The following PKMYT1 variants were observed in gnomAD, a reference collection of about 807,000 sequenced individuals.
The protein encoded by PKMYT1 is membrane-associated tyrosine- and threonine-specific cdc2-inhibitory kinase.
A neutral mutation model predicts 49.7 loss-of-function variants in PKMYT1; 35 were observed. The observed-to-expected ratio is 0.70, with a 90% CI of 0.54 to 0.93. The LOEUF (loss-of-function observed/expected upper bound fraction) is 0.93, where lower values mean the gene tolerates loss of function less well. Among genes scored for constraint, PKMYT1 ranks in the 40% least tolerant of loss-of-function variants. The pLI is 0.00. For missense variants in PKMYT1, 677 were observed against 673.1 expected (o/e 1.01, Z -0.06); for synonymous variants, 331 against 287.6 (o/e 1.15, Z -1.53).
At position 2,975,791 on chromosome 16, in the gene PKMYT1, G is replaced by T. The variant is rs993831575; in HGVS notation, c.400C>A (p.Arg134=). The change falls in exon 4 of 9, where the codon CGG becomes AGG. Residue 134 remains arginine, a synonymous_variant. Transcript: ENST00000262300. ...VFKVRSKEDG[R]LYAVKRSMSP... is the part of the protein sequence containing the mutation. ...ATGGAACGCTTTACCGCATAGAGCC[G>T]GCCGTCCTCCTTGGAGCGCACCTGG... The T allele has an allele frequency of 6.3e-7, 1 of 1,596,036 alleles. No individual in the cohort carries two copies. Among genetic ancestry groups the T allele is most frequent in the Non-Finnish European group, 8.5e-7 (1 of 1,177,536 alleles).
Position 2,978,562 on chromosome 16 carries a change from A to T in PKMYT1, c.10+1086T>A, listed in dbSNP as rs371972536. Among the ~76,000 whole-genome samples the T allele has an allele frequency of 6.6e-5, 10 of 152,186 alleles. No homozygotes were observed. The East Asian group carries it at 2.0e-3, about 30-fold the overall frequency. The stretch of plus-strand genomic sequence containing the variant: ...GAGGAGTTCGAGTCCAGCCTGGCCA[A>T]CATGGTGAAACCCCATCTCTACTAA... On this transcript the variant is annotated intron_variant, in intron 2 of 8. Transcript: ENST00000262300.
rs1420630968 is a variant in PKMYT1, at chr16:2,975,262, C to T, written c.872+57G>A. On this transcript the variant is annotated intron_variant, in intron 4 of 8. Transcript: ENST00000262300. ...CTTCCCTCCTGGGGAATGGAGCTTC[C>T]GTCCCAGGAAGGGCCTCCCACAGCC... 1.7e-5 allele frequency: 26 copies of T among 1,504,176 alleles called. No homozygotes were observed. In the East Asian group the frequency reaches 2.9e-4, roughly 17 times the overall value. 93.2% of individuals were successfully genotyped at this position (1,504,176 alleles called of 1,614,324 possible).
chr16:2,973,711 G>A (rs2072084380), intron 7 of PKMYT1: 2 of 521,782 alleles, frequency 3.8e-6, no homozygotes, highest in Non-Finnish European at 6.9e-6. Flanking sequence ...AAGGGACAAT[G>A]TTTTATCCCT....
At chr16:2,973,643 C>G in intron 7 of PKMYT1, 2 of 445,688 alleles carry the variant, frequency 4.5e-6, no homozygotes, top group South Asian at 4.5e-5. Flanking sequence ...CCCCAGGGAC[C>G]AAGGACTTGT....
rs570109971 is a variant in PKMYT1, at chr16:2,975,189, G to A, written c.872+130C>T. ...CTCTCCACTGGAGGGCAGGGATGGC[G>A]TCTCAGCCTTGTGGCTCTGAGGCCG... On this transcript the variant is annotated intron_variant, in intron 4 of 8. Transcript: ENST00000262300. The A allele has an allele frequency of 1.1e-4, 132 of 1,148,078 alleles. No individual in the cohort carries two copies. The African/African-American group carries it at 1.7e-3, about 15-fold the overall frequency. The allele number at this position is 1,148,078 out of a possible 1,614,324, so 71.1% of individuals were successfully genotyped here.
intron 4 of PKMYT1, 71 bp from the exon 5 acceptor site, chr16:2,974,727 C>T (rs1177389665): frequency 8.8e-6 from 9 of 1,018,680 alleles, no homozygotes; most frequent in Non-Finnish European, 3.0e-6. Flanking sequence ...CCAGGGCTGC[C>T]TCTTGGAGGT....
chr16:2,974,454 C>T, intron 5 of PKMYT1, 37 bp from the exon 6 acceptor site: 1 of 1,580,566 alleles, frequency 6.3e-7, no homozygotes, highest in Non-Finnish European at 8.6e-7. Context: ...GGTCCCAGAA[C>T]ACCGACTGCA....
chr16:2,974,662 A>C lies in PKMYT1; in HGVS notation c.873-6T>G. On this transcript the variant is annotated splice_region_variant and splice_polypyrimidine_tract_variant and intron_variant, in intron 4 of 8. Transcript: ENST00000262300. Reference sequence around the variant, plus strand: ...CCAGGATGGTGAGGCCCAGACTGGCAGGGACGGGATGGGGACAGAAAGGGG... The same window carrying C: ...CCAGGATGGTGAGGCCCAGACTGGCCGGGACGGGATGGGGACAGAAAGGGG... 1 of 1,548,358 alleles carries C rather than the reference A, an allele frequency of 6.5e-7. No homozygotes were observed. Among genetic ancestry groups the C allele is most frequent in the Non-Finnish European group, 8.8e-7 (1 of 1,142,764 alleles).
chr16:2,977,535 C>G, intron 2 of PKMYT1: 8 of 967,194 alleles, frequency 8.3e-6, no homozygotes, highest in South Asian at 9.5e-5. Flanking sequence ...GTGTGTGCAG[C>G]TCCGTGGACC....
intron 2 of PKMYT1, chr16:2,977,318 T>A: frequency 8.2e-7 from 1 of 1,222,604 alleles, no homozygotes; most frequent in Non-Finnish European, 1.0e-6. Context: ...GCAAGGCAGT[T>A]TGGAGTCAGA....
In PKMYT1 at chr16:2,974,108, G is replaced by A; in HGVS notation, c.1202C>T (p.Ala401Val). Residue 401 changes from alanine to valine, a missense_variant, in exon 7 of 9, where the codon GCC (alanine) becomes GTC (valine). By Grantham distance (64) the Ala-to-Val change is moderately conservative (BLOSUM62 0). Transcript: ENST00000262300. ...CWLWHGLAHP[A>V]SWLQPLGPPA... ...CGGGCCCAGGGGCTGTAGCCAGCTG[G>A]CAGGGTGAGCCAGCCCATGCCAGAG... 6.2e-7 allele frequency: 1 copy of A among 1,606,958 alleles called. No individual in the cohort carries two copies.
chr16:2,979,678 C>T lies in PKMYT1; in HGVS notation c.-21G>A, dbSNP rs200568818. ...AGCATGACTGGCCTGGCCCAACAGCCTCAGTGGTGGGACGGGGGAGGCAGG... is the reference window on the plus strand; with the variant it reads ...AGCATGACTGGCCTGGCCCAACAGCTTCAGTGGTGGGACGGGGGAGGCAGG... On this transcript the variant is annotated 5_prime_UTR_variant, in exon 2 of 9. Coordinates refer to ENST00000262300, the MANE Select transcript of PKMYT1 (RefSeq NM_004203.5). 7.4e-6 allele frequency: 12 copies of T among 1,613,906 alleles called. No individual in the cohort carries two copies. The highest frequency in any genetic ancestry group is 9.3e-6 in the Non-Finnish European group (11 of 1,179,894).
At position 2,973,984 on chromosome 16, in the gene PKMYT1, C is replaced by G; in HGVS notation, c.1310+16G>C. ...CACCTTCCCCCTAGCCCCCCATACC[C>G]TGCACTTGAACCCACCCTAGGCTGT... On this transcript the variant is annotated intron_variant, in intron 7 of 8. Transcript: ENST00000262300. The G allele has an allele frequency of 6.2e-7, 1 of 1,611,944 alleles. No homozygotes were observed. Among genetic ancestry groups the G allele is most frequent in the South Asian group, 1.1e-5 (1 of 90,848 alleles).
Position 2,974,607 on chromosome 16 carries a change from C to A in PKMYT1, c.922G>T (p.Gly308Cys). ...CGCAGCTGCTGCCAGCCCTCCCCAC[C>A]GTGGGGCAGCTCCATGTTGCATGCC... ...EVACNMELPH[G>C]GEGWQQLRQG... The change falls in exon 5 of 9, where the codon GGT (glycine) becomes TGT (cysteine). Residue 308 changes from glycine to cysteine, a missense_variant. Coordinates refer to ENST00000262300, the MANE Select transcript of PKMYT1 (RefSeq NM_004203.5). The A allele has an allele frequency of 6.3e-7, 1 of 1,580,294 alleles. No individual in the cohort carries two copies. The highest frequency in any genetic ancestry group is 8.6e-7 in the Non-Finnish European group (1 of 1,163,476).
chr16:2,975,411 T>C lies in PKMYT1; in HGVS notation c.780A>G (p.Thr260=), dbSNP rs1167812078. 2 of 1,613,112 alleles carry C rather than the reference T, an allele frequency of 1.2e-6. No homozygotes were observed. The highest frequency in any genetic ancestry group is 1.7e-5 in the Admixed American group (1 of 60,004). The change falls in exon 4 of 9, where the codon ACA becomes ACG. Residue 260 remains threonine, a synonymous_variant. Coordinates refer to ENST00000262300, the MANE Select transcript of PKMYT1 (RefSeq NM_004203.5). ...CCTCCTGGACCTCACCAGCTCCTGC[T>C]GTACCCAGCTCCACCAGCAGTCCGA... ...GDFGLLVELG[T]AGAGEVQEGD...
chr16:2,973,103 T>C, intron 8 of PKMYT1, 35 bp downstream of exon 8: 1 of 1,568,920 alleles, frequency 6.4e-7, no homozygotes, highest in Non-Finnish European at 8.7e-7. Flanking sequence ...ATCCAAAAGC[T>C]AGCCCTGCCC....
chr16:2,974,221 C>A, intron 6 of PKMYT1, 24 bp downstream of exon 6: 2 of 1,553,594 alleles, frequency 1.3e-6, no homozygotes, highest in Non-Finnish European at 1.7e-6. Context: ...GCAGGGCAGG[C>A]AGCCGCCACT....
Position 2,975,395 on chromosome 16 carries a change from C to A in PKMYT1, c.796G>T (p.Val266Phe). The A allele has an allele frequency of 6.2e-7, 1 of 1,613,172 alleles. No individual in the cohort carries two copies. The highest frequency in any genetic ancestry group is 8.5e-7 in the Non-Finnish European group (1 of 1,179,968). Reference sequence around the variant, plus strand: ...ATGTAGCGGGGGTCTCCCTCCTGGACCTCACCAGCTCCTGCTGTACCCAGC... The same window carrying A: ...ATGTAGCGGGGGTCTCCCTCCTGGAACTCACCAGCTCCTGCTGTACCCAGC... ...VELGTAGAGE[V>F]QEGDPRYMAP... The change falls in exon 4 of 9, where the codon GTC becomes TTC. Residue 266 changes from valine to phenylalanine, a missense_variant. Coordinates refer to ENST00000262300, the MANE Select transcript of PKMYT1 (RefSeq NM_004203.5).
chr16:2,975,952 T>C, intron 3 of PKMYT1, 140 bp from the exon 4 acceptor site: 1 of 877,510 alleles, frequency 1.1e-6, no homozygotes. Flanking sequence ...CTCAGACCCC[T>C]GCCCAGGGTA....
Sources: allele counts gnomAD v4.1 joint callset (sites outside exome capture counted in the v4.1 genomes callset), GRCh38; gene constraint gnomAD v4.1.1; transcripts MANE v1.5; gene names NCBI Gene and HGNC (gene_info 2026-07-23, HGNC 2026-07-21).